TKTL2: variants seen among roughly 807,000 people sequenced by gnomAD.
The protein encoded by TKTL2 is transketolase like 2, also known as transketolase-like protein 2.
For synonymous variants in TKTL2, 259 were observed against 294.1 expected (o/e 0.88, Z 1.22); for missense variants, 825 against 799.4 (o/e 1.03, Z -0.39).
chr4:163,471,968 A>C lies in TKTL2; in HGVS notation c.1767T>G (p.His589Gln). 6.2e-7 allele frequency: 1 copy of C among 1,612,186 alleles called. No homozygotes were observed. Among genetic ancestry groups the C allele is most frequent in the Non-Finnish European group, 8.5e-7 (1 of 1,179,048 alleles). ...AVSREPDILV[H>Q]QLAVSGVPQR... ...GAGGCACTCCTGACACTGCCAGTTG[A>C]TGAACAAGGATATCAGGCTCCCTGG... The change falls in exon 1 of 1, where the codon CAT (histidine) becomes CAG (glutamine). Residue 589 changes from histidine (H) to glutamine (Q), a missense_variant. His to Gln is a conservative substitution (Grantham distance 24). Transcript: ENST00000280605.
Position 163,472,538 on chromosome 4 carries a change from T to G in TKTL2, c.1197A>C (p.Arg399Ser). 6.2e-7 allele frequency: 1 copy of G among 1,614,100 alleles called. No homozygotes were observed. The highest frequency in any genetic ancestry group is 8.5e-7 in the Non-Finnish European group (1 of 1,180,022). The change falls in exon 1 of 1, where the codon AGA becomes AGC. Residue 399 changes from arginine to serine, a missense_variant. Coordinates refer to ENST00000280605, the MANE Select transcript of TKTL2 (RefSeq NM_032136.5). ...CTCCCATTCGGAGCTGATCGAATGC[T>G]CTAGTAAAAAAGGCAGCAAAAGCAC... ...FAGAFAAFFT[R>S]AFDQLRMGAI...
rs761029467 is a variant in TKTL2, at chr4:163,473,666, C to T, written c.69G>A (p.Leu23=). ...VQVLRDTANR[L]RIHSIRATCA... Reference sequence around the variant, plus strand: ...ACGTGGCCCTGATGGAATGGATCCGCAGGCGGTTGGCTGTGTCCCGCAGCA... The same window carrying T: ...ACGTGGCCCTGATGGAATGGATCCGTAGGCGGTTGGCTGTGTCCCGCAGCA... The change falls in exon 1 of 1, where the codon CTG becomes CTA. Residue 23 remains leucine, a synonymous_variant. Transcript: ENST00000280605. The T allele has an allele frequency of 1.2e-5, 20 of 1,613,982 alleles. No homozygotes were observed. The South Asian group carries it at 2.2e-4, about 18-fold the overall frequency.
In TKTL2 at chr4:163,472,411, G is replaced by A. The variant is rs755321440; in HGVS notation, c.1324C>T (p.Arg442Ter). 2.2e-5 allele frequency: 35 copies of A among 1,611,852 alleles called. No individual in the cohort carries two copies. Among genetic ancestry groups the A allele is most frequent in the African/African-American group, 4.0e-5 (3 of 74,810 alleles). ...AAAACAGTACAATTGGGAATGCTTC[G>A]GAACATGGCTAGATCCTCCAGGGCC... ...QMALEDLAMF[R>*]SIPNCTVFYP... is the part of the protein sequence containing the mutation. The change falls in exon 1 of 1, where the codon CGA becomes TGA. Residue 442 changes from arginine (R) to a stop codon, truncating the protein, a stop_gained. Transcript: ENST00000280605. LOFTEE classifies it low-confidence loss of function (END_TRUNC).
Position 163,473,417 on chromosome 4 carries a change from G to T in TKTL2, c.318C>A (p.Ser106Arg), listed in dbSNP as rs376513845. Residue 106 changes from serine to arginine, a missense_variant, in exon 1 of 1, where the codon AGC (serine) becomes AGA (arginine). Physicochemically the swap from Ser to Arg is moderately radical, Grantham distance 110 (BLOSUM62 -1). Coordinates refer to ENST00000280605, the MANE Select transcript of TKTL2 (RefSeq NM_032136.5). ...SDLLNLRKLH[S>R]DLERHPTPRL... ...GGGGGGTAGGGTGTCTCTCCAAGTC[G>T]CTGTGAAGTTTCCTCAGGTTCAGCA... is the stretch of plus-strand genomic sequence containing the variant. 6 of 1,613,812 alleles carry T rather than the reference G, an allele frequency of 3.7e-6. No homozygotes were observed. Among genetic ancestry groups the T allele is most frequent in the Middle Eastern group, 1.6e-4 (1 of 6,084 alleles).
At position 163,473,146 on chromosome 4, in the gene TKTL2, C is replaced by T; in HGVS notation, c.589G>A (p.Glu197Lys). 2 of 1,613,980 alleles carry T rather than the reference C, an allele frequency of 1.2e-6. No individual in the cohort carries two copies. The highest frequency in any genetic ancestry group is 1.7e-6 in the Non-Finnish European group (2 of 1,180,032). Residue 197 changes from glutamate (E) to lysine (K), a missense_variant, in exon 1 of 1, where the codon GAG becomes AAG. By Grantham distance (56) the Glu-to-Lys change is moderately conservative. Transcript: ENST00000280605. ...TTCTGGTAGATGTCTGCGCCATGCT[C>T]AAGGGGTGCAGGGCCACTTTGTCCC... ...RLGQSGPAPL[E>K]HGADIYQNCC...
In TKTL2 at chr4:163,472,600, C is replaced by A; in HGVS notation, c.1135G>T (p.Gly379Cys). 1 of 1,614,204 alleles carries A rather than the reference C, an allele frequency of 6.2e-7. No individual in the cohort carries two copies. Among genetic ancestry groups the A allele is most frequent in the Non-Finnish European group, 8.5e-7 (1 of 1,180,046 alleles). The change falls in exon 1 of 1, where the codon GGC (glycine) becomes TGC (cysteine). Residue 379 changes from glycine (G) to cysteine (C), a missense_variant. Coordinates refer to ENST00000280605, the MANE Select transcript of TKTL2 (RefSeq NM_032136.5). ...AEQNMVSVAL[G>C]CATRGRTIAF... is the part of the protein sequence containing the mutation. ...ATGGTTCGACCACGTGTAGCACAGC[C>A]TAGTGCCACACTTACCATGTTTTGT...
At position 163,472,039 on chromosome 4, in the gene TKTL2, G is replaced by T. The variant is rs759700973; in HGVS notation, c.1696C>A (p.His566Asn). The T allele has an allele frequency of 6.2e-7, 1 of 1,614,100 alleles. No individual in the cohort carries two copies. Among genetic ancestry groups the T allele is most frequent in the South Asian group, 1.1e-5 (1 of 91,066 alleles). Reference protein sequence around the residue: ...TGGRVITVEDHYREGGIGEAV... With the variant: ...TGGRVITVEDNYREGGIGEAV... ...TCTCCAATGCCACCTTCCCTGTAGT[G>T]ATCCTCCACTGTGATAACTCGGCCG... The change falls in exon 1 of 1, where the codon CAC becomes AAC. Residue 566 changes from histidine (H) to asparagine (N), a missense_variant. Physicochemically the swap from His to Asn is moderately conservative, Grantham distance 68. Transcript: ENST00000280605.
Position 163,472,642 on chromosome 4 carries a change from C to T in TKTL2, c.1093G>A (p.Glu365Lys), listed in dbSNP as rs1377484615. Residue 365 changes from glutamate to lysine, a missense_variant, in exon 1 of 1, where the codon GAG becomes AAG. Glu to Lys is a moderately conservative substitution (Grantham distance 56). Transcript: ENST00000280605. ...FRKEHPERFI[E>K]CIIAEQNMVS... ...ATGTTTTGTTCAGCAATAATACACT[C>T]TATGAAACGCTCAGGGTGTTCTTTC... 2 of 1,614,204 alleles carry T rather than the reference C, an allele frequency of 1.2e-6. No individual in the cohort carries two copies. Among genetic ancestry groups the T allele is most frequent in the Non-Finnish European group, 1.7e-6 (2 of 1,180,048 alleles).
rs749550812 is a variant in TKTL2 at position 163,473,126 on chromosome 4, G to C, written c.609C>G (p.Tyr203Ter). The change falls in exon 1 of 1, where the codon TAC becomes TAG. Residue 203 changes from tyrosine to a stop codon, truncating the protein, a stop_gained. Transcript: ENST00000280605. LOFTEE classifies it low-confidence loss of function (END_TRUNC). The part of the protein sequence containing the change: ...PAPLEHGADI[Y>*]QNCCEAFGWN... ...ATCCAAAGGCTTCACAGCAATTCTG[G>C]TAGATGTCTGCGCCATGCTCAAGGG... 2.9e-5 allele frequency: 47 copies of C among 1,613,872 alleles called. No homozygotes were observed. Among genetic ancestry groups the C allele is most frequent in the Non-Finnish European group, 3.7e-5 (44 of 1,180,040 alleles).
In TKTL2 at chr4:163,473,294, G is replaced by A; in HGVS notation, c.441C>T (p.Ser147=). ...CTCCCATAAGGCAGAACACCCGGTA[G>A]CTGGCCTTGTCAAGGTACTTGCCAG... is the stretch of plus-strand genomic sequence containing the variant. ...AYTGKYLDKA[S]YRVFCLMGDG... The change falls in exon 1 of 1, where the codon AGC becomes AGT. Residue 147 remains serine, a synonymous_variant. Transcript: ENST00000280605. 1 of 1,614,066 alleles carries A rather than the reference G, an allele frequency of 6.2e-7. No individual in the cohort carries two copies. Among genetic ancestry groups the A allele is most frequent in the African/African-American group, 1.3e-5 (1 of 75,000 alleles).
In TKTL2 at chr4:163,472,326, C is replaced by A. The variant is rs780337719; in HGVS notation, c.1409G>T (p.Gly470Val). The A allele has an allele frequency of 3.7e-6, 6 of 1,603,220 alleles. No homozygotes were observed. The Admixed American group carries it at 1.0e-4, about 27-fold the overall frequency. The change falls in exon 1 of 1, where the codon GGA becomes GTA. Residue 470 changes from glycine to valine, a missense_variant. Coordinates refer to ENST00000280605, the MANE Select transcript of TKTL2 (RefSeq NM_032136.5). The part of the protein sequence containing the change: ...HAIYLAANTK[G>V]MCFIRTSQPE... ...TTGGCTGGTTCGAATGAAGCACATTCCCTTGGTATTGGCGGCTAGATAAAT... is the reference window on the plus strand; with the variant it reads ...TTGGCTGGTTCGAATGAAGCACATTACCTTGGTATTGGCGGCTAGATAAAT...
chr4:163,473,064 G>A lies in TKTL2; in HGVS notation c.671C>T (p.Ala224Val), dbSNP rs1579003657. ...TGCTTGCCAAAATGCTTGGCACAAG[G>A]CCTCCACATCATGGCCATCCACTAA... ...TYLVDGHDVE[A>V]LCQAFWQASQ... Residue 224 changes from alanine to valine, a missense_variant, in exon 1 of 1, where the codon GCC becomes GTC. Coordinates refer to ENST00000280605, the MANE Select transcript of TKTL2 (RefSeq NM_032136.5). The A allele has an allele frequency of 1.9e-6, 3 of 1,613,990 alleles. No homozygotes were observed. Among genetic ancestry groups the A allele is most frequent in the African/African-American group, 1.3e-5 (1 of 74,882 alleles).
In TKTL2 at chr4:163,473,521, A is replaced by G. The variant is rs374283707; in HGVS notation, c.214T>C (p.Phe72Leu). 29 of 1,613,794 alleles carry G rather than the reference A, an allele frequency of 1.8e-5. No homozygotes were observed. Among genetic ancestry groups the G allele is most frequent in the East Asian group, 6.7e-5 (3 of 44,838 alleles). Residue 72 changes from phenylalanine (F) to leucine (L), a missense_variant, in exon 1 of 1, where the codon TTC becomes CTC. Transcript: ENST00000280605. ...TDPEHPDNDR[F>L]ILSRGHAAPI... ...GCAGCATGTCCCCTGGAGAGGATGAACCGGTCGTTGTCCGGGTGTTCTGGG... is the reference window on the plus strand; with the variant it reads ...GCAGCATGTCCCCTGGAGAGGATGAGCCGGTCGTTGTCCGGGTGTTCTGGG...
chr4:163,471,993 G>C lies in TKTL2; in HGVS notation c.1742C>G (p.Ser581Cys), dbSNP rs1737173044. 1.9e-6 allele frequency: 3 copies of C among 1,613,120 alleles called. No individual in the cohort carries two copies. The highest frequency in any genetic ancestry group is 2.2e-5 in the East Asian group (1 of 44,886). Residue 581 changes from serine (S) to cysteine (C), a missense_variant, in exon 1 of 1, where the codon TCC becomes TGC. Ser to Cys is a moderately radical substitution (Grantham distance 112). Coordinates refer to ENST00000280605, the MANE Select transcript of TKTL2 (RefSeq NM_032136.5). ...ATGAACAAGGATATCAGGCTCCCTG[G>C]AGACAGCTGCACAAACAGCTTCTCC... ...GIGEAVCAAV[S>C]REPDILVHQL...
At position 163,472,526 on chromosome 4, in the gene TKTL2, C is replaced by G. The variant is rs781561008; in HGVS notation, c.1209G>C (p.Gln403His). ...FAAFFTRAFD[Q>H]LRMGAISQAN... ...CTTGAGAAATGGCTCCCATTCGGAG[C>G]TGATCGAATGCTCTAGTAAAAAAGG... is the stretch of plus-strand genomic sequence containing the variant. The change falls in exon 1 of 1, where the codon CAG becomes CAC. Residue 403 changes from glutamine to histidine, a missense_variant. Physicochemically the swap from Gln to His is conservative, Grantham distance 24. Transcript: ENST00000280605. 1.9e-6 allele frequency: 3 copies of G among 1,614,142 alleles called. No homozygotes were observed. The highest frequency in any genetic ancestry group is 1.1e-5 in the South Asian group (1 of 91,082).
At position 163,472,809 on chromosome 4, in the gene TKTL2, G is replaced by A. The variant is rs145254731; in HGVS notation, c.926C>T (p.Ser309Phe). The change falls in exon 1 of 1, where the codon TCC (serine) becomes TTC (phenylalanine). Residue 309 changes from serine (S) to phenylalanine (F), a missense_variant. Ser to Phe is a radical substitution (Grantham distance 155). Transcript: ENST00000280605. ...GTCACCAACTTTGTAAGCAGGTGGG[G>A]AGGTCATTTTTATATCTGTGATGCT... ...QISITDIKMTSPPAYKVGDKI... is the reference protein window; with the variant it reads ...QISITDIKMTFPPAYKVGDKI... 20 of 1,565,004 alleles carry A rather than the reference G, an allele frequency of 1.3e-5. No individual in the cohort carries two copies. The highest frequency in any genetic ancestry group is 1.9e-5 in the Admixed American group (1 of 53,738).
In TKTL2 at chr4:163,471,878, G is replaced by A. The variant is rs773623685; in HGVS notation, c.1857C>T (p.Ala619=). The part of the protein sequence containing the change: ...FGISTRHIIA[A]VTLTLMK ...TTTACTTCATTAAAGTAAGTGTTAC[G>A]GCTGCTATAATGTGTCTGGTACTGA... The change falls in exon 1 of 1, where the codon GCC becomes GCT. Residue 619 remains alanine, a synonymous_variant. Coordinates refer to ENST00000280605, the MANE Select transcript of TKTL2 (RefSeq NM_032136.5). The A allele has an allele frequency of 1.3e-5, 20 of 1,524,504 alleles. No homozygotes were observed. Among genetic ancestry groups the A allele is most frequent in the African/African-American group, 4.2e-5 (3 of 71,920 alleles). 94.4% of individuals were successfully genotyped at this position (1,524,504 alleles called of 1,614,324 possible). A position where few individuals can be genotyped will look rare whatever the true frequency, so the allele number is the denominator to read the frequency against.
chr4:163,472,132 CACG>C lies in TKTL2; in HGVS notation c.1600_1602del (p.Arg534del). 6.2e-7 allele frequency: 1 copy of C among 1,614,170 alleles called. No individual in the cohort carries two copies. The highest frequency in any genetic ancestry group is 1.1e-5 in the South Asian group (1 of 91,088). Reference sequence around the variant, plus strand: ...GGTTTAATGGTAAATGGGTCGATGACACGGACAGAAATACCTTGTTGAGAAAGA... The same window carrying C: ...GGTTTAATGGTAAATGGGTCGATGACGACAGAAATACCTTGTTGAGAAAGA... On this transcript the variant is annotated inframe_deletion, in exon 1 of 1. Coordinates refer to ENST00000280605, the MANE Select transcript of TKTL2 (RefSeq NM_032136.5).
In TKTL2 at chr4:163,473,264, G is replaced by A. The variant is rs530284952; in HGVS notation, c.471C>T (p.Gly157=). 3.7e-4 allele frequency: 593 copies of A among 1,613,804 alleles called. 9 individuals carry two copies. In the South Asian group the frequency reaches 4.5e-3, roughly 12 times the overall value. Residue 157 remains glycine (G), a synonymous_variant, in exon 1 of 1, where the codon GGC becomes GGT. Transcript: ENST00000280605. ...CCCACACAGAGCCTTCTGAGGATTC[G>A]CCATCTCCCATAAGGCAGAACACCC... is the stretch of plus-strand genomic sequence containing the variant. The part of the protein sequence containing the change: ...SYRVFCLMGD[G]ESSEGSVWEA...
Sources: gnomAD v4.1 joint callset for allele counts on GRCh38, gnomAD v4.1.1 for gene constraint, MANE v1.5 for transcripts, NCBI Gene and HGNC (gene_info 2026-07-23, HGNC 2026-07-21) for gene names.